STPG2: variants seen among roughly 807,000 people sequenced by gnomAD.
STPG2 encodes sperm-tail PG-rich repeat-containing protein 2.
Under a neutral mutation model 54.2 loss-of-function variants are expected in STPG2, and 56 were observed. That is an observed-to-expected ratio of 1.03 (90% CI 0.83 to 1.29). STPG2 has a LOEUF of 1.29. Among genes scored for constraint, STPG2 ranks in the 50% most tolerant of loss-of-function variants. The pLI is 0.00. For missense variants in STPG2, 596 were observed against 544.9 expected, an observed-to-expected ratio of 1.09 and a Z score of -0.93; for synonymous variants, 200 against 181.8, an observed-to-expected ratio of 1.10 and a Z score of -0.81.
intron 9 of STPG2, among the ~76,000 whole-genome samples, chr4:97,821,363 T>C (rs1728085175): frequency 6.6e-6 from 1 of 152,168 alleles, no homozygotes; most frequent in South Asian, 2.1e-4. Context: ...TGCCCCTGTG[T>C]CTCTGCAGGA....
chr4:97,492,646 T>TC (rs1373437648), intron 4 of STPG2, among the ~76,000 whole-genome samples: 1 of 92,288 alleles, frequency 1.1e-5, no homozygotes, highest in African/African-American at 1.8e-4. Flanking sequence ...TGATAAAAAC[T>TC]TTTTTTTTTT....
At chr4:97,828,920 G>T (rs1018379683) in intron 9 of STPG2, among the ~76,000 whole-genome samples, 8 of 152,166 alleles carry the variant, frequency 5.3e-5, no homozygotes, top group African/African-American at 1.9e-4. Context: ...CAGAGCAGCT[G>T]GGAGGAAGGG....
intron 5 of STPG2, among the ~76,000 whole-genome samples, chr4:98,054,286 A>G (rs1233042895): frequency 1.3e-5 from 2 of 152,146 alleles, no homozygotes. Context: ...CACAGGTGTT[A>G]CTCCATATAA....
intron 9 of STPG2, among the ~76,000 whole-genome samples, chr4:97,727,832 A>C (rs187797558): frequency 2.6e-4 from 39 of 152,048 alleles, no homozygotes; most frequent in African/African-American, 8.9e-4. Context: ...TAAGTCTAAA[A>C]TTATAATTTA....
chr4:97,612,530 G>A (rs1733757729), intron 10 of STPG2, among the ~76,000 whole-genome samples: 1 of 152,008 alleles, frequency 6.6e-6, no homozygotes, highest in African/African-American at 2.4e-5. Context: ...GCTTGTAGAG[G>A]GGAACAGAAC....
chr4:97,476,615 T>A (rs1730078590), intron 4 of STPG2, among the ~76,000 whole-genome samples: 1 of 152,180 alleles, frequency 6.6e-6, no homozygotes, highest in Admixed American at 6.5e-5. Flanking sequence ...AGATTAGTGT[T>A]TTAACATTTA....
chr4:97,901,471 CTAA>C, intron 8 of STPG2, among the ~76,000 whole-genome samples: 1 of 151,834 alleles, frequency 6.6e-6, no homozygotes, highest in Non-Finnish European at 1.5e-5. Flanking sequence ...AAAGTTACAA[CTAA>C]TAATACAGTA....
At chr4:97,569,433 T>TCTTA (rs908313868) in intron 10 of STPG2, among the ~76,000 whole-genome samples, 1 of 152,128 alleles carries the variant, frequency 6.6e-6, no homozygotes, top group African/African-American at 2.4e-5. Flanking sequence ...TGACCTCCTA[T>TCTTA]CTTAACCTGT....
chr4:98,005,670 T>C (rs10022061), intron 5 of STPG2, among the ~76,000 whole-genome samples: 59,945 of 151,996 alleles, frequency 0.39, 12,053 homozygotes, highest in Middle Eastern at 0.47. Context: ...TGATATATCC[T>C]ATTTATTAAT....
At chr4:97,679,778 T>C (rs1722971196) in intron 10 of STPG2, among the ~76,000 whole-genome samples, 1 of 152,236 alleles carries the variant, frequency 6.6e-6, no homozygotes, top group Non-Finnish European at 1.5e-5. Context: ...TTTAAGTCTT[T>C]AATCCATCTT....
intron 4 of STPG2, among the ~76,000 whole-genome samples, chr4:97,478,019 C>T (rs931417330): frequency 6.6e-6 from 1 of 152,060 alleles, no homozygotes; most frequent in Non-Finnish European, 1.5e-5. Context: ...TAAGCTATCG[C>T]ATAAGTAATA....
intron 8 of STPG2, among the ~76,000 whole-genome samples, chr4:97,854,417 T>C (rs1022097743): frequency 2.0e-5 from 3 of 150,282 alleles, no homozygotes; most frequent in Non-Finnish European, 3.0e-5. Context: ...GGCACATAGA[T>C]AAGCACTACT....
chr4:97,487,945 C>T (rs1432630238), intron 4 of STPG2, among the ~76,000 whole-genome samples: 4 of 151,264 alleles, frequency 2.6e-5, no homozygotes, highest in African/African-American at 9.7e-5. Context: ...AGAGAAAATA[C>T]ATGTGTAATA....
chr4:97,640,498 A>G (rs1356846982), intron 10 of STPG2, among the ~76,000 whole-genome samples: 1 of 151,904 alleles, frequency 6.6e-6, no homozygotes. Flanking sequence ...AACCTTTAAT[A>G]AGGGAGATAA....
At chr4:97,668,605 T>C (rs1722596237) in intron 10 of STPG2, among the ~76,000 whole-genome samples, 1 of 118,922 alleles carries the variant, frequency 8.4e-6, no homozygotes, top group Non-Finnish European at 1.7e-5. Context: ...TCAACAGAAA[T>C]GAGAACACGG....
intron 10 of STPG2, among the ~76,000 whole-genome samples, chr4:97,634,746 G>A (rs1461738750): frequency 6.6e-6 from 1 of 152,056 alleles, no homozygotes; most frequent in Non-Finnish European, 1.5e-5. Flanking sequence ...ATCAGCAATG[G>A]AAGATGAAAT....
At position 97,695,831 on chromosome 4, in the gene STPG2, G is replaced by A. The variant is rs61339185; in HGVS notation, c.1320+16868C>T. Among the ~76,000 whole-genome samples, 298 of 150,410 alleles carry A rather than the reference G, an allele frequency of 2.0e-3. 2 individuals are homozygous for A. The highest frequency in any genetic ancestry group is 6.5e-3 in the African/African-American group (268 of 41,152). On this transcript the variant is annotated intron_variant, in intron 10 of 10. Transcript: ENST00000295268. Reference sequence around the variant, plus strand: ...GAAAGACTTCTGCAAGGAAAACTACGAAACACTGCTGAAAGTAATGAAAGA... The same window carrying A: ...GAAAGACTTCTGCAAGGAAAACTACAAAACACTGCTGAAAGTAATGAAAGA...
At chr4:97,872,737 C>T (rs1279369779) in intron 8 of STPG2, among the ~76,000 whole-genome samples, 5 of 151,156 alleles carry the variant, frequency 3.3e-5, no homozygotes, top group Admixed American at 1.3e-4. Flanking sequence ...TGAATCTACA[C>T]ATTTTGACTC....
intron 10 of STPG2, among the ~76,000 whole-genome samples, chr4:97,565,221 C>T (rs1443547168): frequency 6.6e-6 from 1 of 152,202 alleles, no homozygotes; most frequent in Non-Finnish European, 1.5e-5. Flanking sequence ...TCCAGTTGAT[C>T]ACATCAGCTC....
Sources: gnomAD v4.1 joint callset for allele counts (sites outside exome capture counted in the v4.1 genomes callset) on GRCh38, gnomAD v4.1.1 for gene constraint, MANE v1.5 for transcripts, NCBI Gene and HGNC (gene_info 2026-07-23, HGNC 2026-07-21) for gene names.